The following CDCA7L variants were observed in gnomAD, a reference collection of about 807,000 sequenced individuals.
CDCA7L encodes cell division cycle associated 7 like.
In CDCA7L, 44 loss-of-function variants were observed where a neutral mutation model predicts 57.4. The observed-to-expected ratio is 0.77, with a 90% CI of 0.60 to 0.98. The LOEUF is 0.98. CDCA7L is among the 50% of genes least tolerant of loss of function. The probability of loss-of-function intolerance (pLI) is 0.00; values close to 1 mark genes in which losing one functional copy is unlikely to be tolerated. For synonymous variants in CDCA7L, 236 were observed against 202.8 expected, an observed-to-expected ratio of 1.16 and a Z score of -1.39; for missense variants, 644 against 580.6, an observed-to-expected ratio of 1.11 and a Z score of -1.12.
At chr7:21,934,033 C>T (rs919526354) in intron 1 of CDCA7L, among the ~76,000 whole-genome samples, 5 of 151,902 alleles carry the variant, frequency 3.3e-5, no homozygotes, top group Admixed American at 2.0e-4. Context: ...GCATTTGCAA[C>T]AGAAAATGCT....
chr7:21,943,360 A>T (rs1382772047), intron 1 of CDCA7L, among the ~76,000 whole-genome samples: 1 of 152,246 alleles, frequency 6.6e-6, no homozygotes, highest in Non-Finnish European at 1.5e-5. Context: ...TGCTTTGCTG[A>T]AACACTTAGC....
chr7:21,945,855 G>A lies in CDCA7L; in HGVS notation c.-51C>T, dbSNP rs1352827345. 5 of 1,571,680 alleles carry A rather than the reference G, an allele frequency of 3.2e-6. No homozygotes were observed. The highest frequency in any genetic ancestry group is 1.9e-4 in the Middle Eastern group (1 of 5,348). On this transcript the variant is annotated 5_prime_UTR_variant, in exon 1 of 10. Coordinates refer to ENST00000406877, the MANE Select transcript of CDCA7L (RefSeq NM_018719.5). ...TCCCAGCACGCGGCCACGGGAGCCCGGACTCACCACGGCCCGGCGCACCAA... is the reference window on the plus strand; with the variant it reads ...TCCCAGCACGCGGCCACGGGAGCCCAGACTCACCACGGCCCGGCGCACCAA...
intron 1 of CDCA7L, among the ~76,000 whole-genome samples, chr7:21,934,557 T>A (rs1375150388): frequency 6.6e-6 from 1 of 152,080 alleles, no homozygotes; most frequent in African/African-American, 2.4e-5. Flanking sequence ...AATCACAAGA[T>A]TAAGTAATTC....
chr7:21,902,743 TG>T (rs1354258252), intron 9 of CDCA7L: 1 of 512,836 alleles, frequency 1.9e-6, no homozygotes, highest in Non-Finnish European at 3.5e-6. Context: ...GGAGAAATTT[TG>T]GTTAAAGGCA....
At chr7:21,926,716 T>C (rs73281732) in intron 1 of CDCA7L, among the ~76,000 whole-genome samples, 5,747 of 149,994 alleles carry the variant, frequency 0.038, 145 homozygotes, top group African/African-American at 0.082. Flanking sequence ...AAAAAAAATG[T>C]TTTTTAATTA....
chr7:21,921,707 T>C (rs1393879779), intron 1 of CDCA7L, among the ~76,000 whole-genome samples: 1 of 151,568 alleles, frequency 6.6e-6, no homozygotes, highest in African/African-American at 2.4e-5. Context: ...ATACAAAATT[T>C]CTCAATCAAT....
intron 3 of CDCA7L, among the ~76,000 whole-genome samples, chr7:21,910,817 C>T (rs781459807): frequency 9.9e-5 from 15 of 152,178 alleles, no homozygotes; most frequent in Middle Eastern, 6.8e-3. Context: ...TCATCTTTAA[C>T]ACTAAAAAGC....
chr7:21,936,203 A>C (rs1786157148), intron 1 of CDCA7L, among the ~76,000 whole-genome samples: 1 of 152,130 alleles, frequency 6.6e-6, no homozygotes, highest in Non-Finnish European at 1.5e-5. Flanking sequence ...CCTCCCAACA[A>C]AGTAAACCCC....
chr7:21,905,403 C>T, intron 7 of CDCA7L, 103 bp downstream of exon 7: 5 of 1,322,270 alleles, frequency 3.8e-6, no homozygotes, highest in Middle Eastern at 5.0e-4. Context: ...GCTCTGAGCC[C>T]TTGGTGAGAT....
chr7:21,924,341 G>T (rs1215777471), intron 1 of CDCA7L, among the ~76,000 whole-genome samples: 1 of 152,086 alleles, frequency 6.6e-6, no homozygotes, highest in East Asian at 1.9e-4. Flanking sequence ...GCAGACAAAA[G>T]ATATTTATGC....
intron 1 of CDCA7L, among the ~76,000 whole-genome samples, chr7:21,924,049 G>C (rs146982078): frequency 1.4e-3 from 208 of 152,276 alleles, no homozygotes; most frequent in African/African-American, 4.8e-3. Flanking sequence ...ATATTTTAAC[G>C]TGAAGTATTG....
chr7:21,924,292 A>C lies in CDCA7L; in HGVS notation c.25-7398T>G, dbSNP rs1724781737. Among the ~76,000 whole-genome samples, 4 of 152,202 alleles carry C rather than the reference A, an allele frequency of 2.6e-5. No individual in the cohort carries two copies. In the South Asian group the frequency reaches 8.3e-4, roughly 32 times the overall value. On this transcript the variant is annotated intron_variant, in intron 1 of 9. Transcript: ENST00000406877. ...TATACTCCAAGAATATTCAGTGTAC[A>C]TTTCACCTAGAAGCAAGCTCTATTT...
At chr7:21,906,237 G>C in intron 6 of CDCA7L, 52 bp downstream of exon 6, 1 of 1,524,290 alleles carries the variant, frequency 6.6e-7, no homozygotes, top group Non-Finnish European at 8.9e-7. Flanking sequence ...GTTCACGTTT[G>C]GAGGGATGGT....
chr7:21,925,784 G>C (rs1011961765), intron 1 of CDCA7L, among the ~76,000 whole-genome samples: 1 of 152,168 alleles, frequency 6.6e-6, no homozygotes, highest in Non-Finnish European at 1.5e-5. Flanking sequence ...CTACTTGGGA[G>C]GCTGAGGAGG....
Position 21,902,259 on chromosome 7 carries a change from A to G in CDCA7L, c.*63T>C. The G allele has an allele frequency of 6.9e-7, 1 of 1,450,880 alleles. No homozygotes were observed. Among genetic ancestry groups the G allele is most frequent in the South Asian group, 1.1e-5 (1 of 87,192 alleles). The allele number at this position is 1,450,880 out of a possible 1,614,324, so 89.9% of individuals were successfully genotyped here. On this transcript the variant is annotated 3_prime_UTR_variant, in exon 10 of 10. Coordinates refer to ENST00000406877, the MANE Select transcript of CDCA7L (RefSeq NM_018719.5). Reference sequence around the variant, plus strand: ...TGTAAAAAAATCTTTCTTAGGCACCAATGGTATGCATGTCTTGTTGGAGTA... The same window carrying G: ...TGTAAAAAAATCTTTCTTAGGCACCGATGGTATGCATGTCTTGTTGGAGTA...
chr7:21,940,187 T>A, intron 1 of CDCA7L: 1 of 229,330 alleles, frequency 4.4e-6, no homozygotes, highest in Non-Finnish European at 7.2e-6. Flanking sequence ...GTACTTCTCA[T>A]ATTCCACTGG....
intron 3 of CDCA7L, among the ~76,000 whole-genome samples, chr7:21,909,592 T>A (rs1000687657): frequency 6.6e-6 from 1 of 152,172 alleles, no homozygotes; most frequent in Admixed American, 6.5e-5. Context: ...AGTAAGACTA[T>A]ATGGCACTGA....
intron 9 of CDCA7L, 192 bp downstream of exon 9, chr7:21,902,786 G>C: frequency 1.8e-6 from 1 of 569,554 alleles, no homozygotes. Flanking sequence ...TCTAGCAAAG[G>C]AGAAGATTCC....
At chr7:21,914,924 C>G (rs545910233) in intron 2 of CDCA7L, among the ~76,000 whole-genome samples, 1 of 152,274 alleles carries the variant, frequency 6.6e-6, no homozygotes, top group South Asian at 2.1e-4. Context: ...ATGCCCGGTG[C>G]CTGCCAGGCT....
Sources: allele counts gnomAD v4.1 joint callset (sites outside exome capture counted in the v4.1 genomes callset), GRCh38; gene constraint gnomAD v4.1.1; transcripts MANE v1.5; gene names NCBI Gene and HGNC (gene_info 2026-07-23, HGNC 2026-07-21).